PNPLA7: variants seen among roughly 807,000 people sequenced by gnomAD.
The protein encoded by PNPLA7 is patatin like domain 7, lysophospholipase.
PNPLA7 carries 153 observed loss-of-function variants against 161.7 expected under a neutral mutation model. That is an observed-to-expected ratio of 0.95 (90% CI 0.83 to 1.08). The LOEUF is 1.08. Among genes scored for constraint, PNPLA7 ranks in the 50% least tolerant of loss-of-function variants. The pLI is 0.00. For missense variants in PNPLA7, 1,739 were observed against 1,856.6 expected, an observed-to-expected ratio of 0.94 and a Z score of 1.16; for synonymous variants, 809 against 782.1, an observed-to-expected ratio of 1.03 and a Z score of -0.57.
Position 137,497,365 on chromosome 9 carries a change from C to G in PNPLA7, c.1890-55G>C. 2.1e-6 allele frequency: 3 copies of G among 1,413,846 alleles called. 1 individual carries two copies. In the South Asian group the frequency reaches 4.7e-5, roughly 22 times the overall value. The allele number at this position is 1,413,846 out of a possible 1,614,324, so 87.6% of individuals were successfully genotyped here. On this transcript the variant is annotated intron_variant, in intron 17 of 34. Coordinates refer to ENST00000406427, the MANE Select transcript of PNPLA7 (RefSeq NM_001098537.3). ...TGGGCCCCCAGCCTCAGCCTCCACA[C>G]CCAGCTTCCCAATGCCAGACAGACT...
Position 137,540,824 on chromosome 9 carries a change from C to T in PNPLA7, c.667-102G>A, listed in dbSNP as rs1564367971. On this transcript the variant is annotated intron_variant, in intron 7 of 34. Transcript: ENST00000406427. This position sits in a 1 kb window ranked among gnomAD's most constrained non-coding sequence, Gnocchi z 5.1. The stretch of plus-strand genomic sequence containing the variant: ...CCAGGGCAGTGGGGCCACGGGCCTG[C>T]ACCTCTGAGGCGCCATGAGAGCAGC... The T allele has an allele frequency of 4.9e-6, 5 of 1,019,180 alleles. No homozygotes were observed. The highest frequency in any genetic ancestry group is 7.4e-6 in the Non-Finnish European group (5 of 676,240). The allele number at this position is 1,019,180 out of a possible 1,614,324, so 63.1% of individuals were successfully genotyped here. A position where few individuals can be genotyped will look rare whatever the true frequency, so the allele number is the denominator to read the frequency against.
At position 137,546,897 on chromosome 9, in the gene PNPLA7, G is replaced by GACAA; in HGVS notation, c.205_206insTTGT (p.Pro69LeufsTer84). On this transcript the variant is annotated frameshift_variant, in exon 4 of 35. Coordinates refer to ENST00000406427, the MANE Select transcript of PNPLA7 (RefSeq NM_001098537.3). LOFTEE classifies it high-confidence loss of function. ...CTTCCGGAACCGGTACTGAGGAGTG[G>GACAA]GCTGTGCTTGTCCTGCAGGGGAGTA... The GACAA allele has an allele frequency of 1.2e-6, 2 of 1,613,882 alleles. No individual in the cohort carries two copies. Among genetic ancestry groups the GACAA allele is most frequent in the Non-Finnish European group, 1.7e-6 (2 of 1,179,986 alleles).
intron 7 of PNPLA7, 130 bp downstream of exon 7, chr9:137,542,512 T>A: frequency 9.3e-7 from 1 of 1,074,246 alleles, no homozygotes; most frequent in Middle Eastern, 3.2e-4. Flanking sequence ...AAACGGTGAG[T>A]TTTCCCCCAA....
intron 15 of PNPLA7, 88 bp downstream of exon 15, chr9:137,501,562 T>A (rs1833417530): frequency 1.6e-6 from 2 of 1,289,016 alleles, no homozygotes; most frequent in Non-Finnish European, 2.2e-6. Flanking sequence ...GTCACTGGTG[T>A]CCAGTCCAGG....
chr9:137,475,520 G>A (rs556128148), intron 25 of PNPLA7, among the ~76,000 whole-genome samples: 22 of 151,880 alleles, frequency 1.4e-4, no homozygotes, highest in African/African-American at 4.6e-4. Flanking sequence ...GACTACAGGC[G>A]CCCGCCACCA....
At chr9:137,513,959 G>A (rs1834366827) in intron 12 of PNPLA7, among the ~76,000 whole-genome samples, 1 of 152,280 alleles carries the variant, frequency 6.6e-6, no homozygotes, top group Non-Finnish European at 1.5e-5. Flanking sequence ...GCAGACGGCA[G>A]AGGGGGCAGG....
chr9:137,478,775 T>A (rs1832061419), intron 24 of PNPLA7: 1 of 380,916 alleles, frequency 2.6e-6, no homozygotes, highest in Non-Finnish European at 4.8e-6. Flanking sequence ...CAGGGTTTGC[T>A]GAGCCCCCTG....
In PNPLA7 at chr9:137,499,772, C is replaced by T. The variant is rs531024125; in HGVS notation, c.1757+919G>A. On this transcript the variant is annotated intron_variant, in intron 16 of 34. Coordinates refer to ENST00000406427, the MANE Select transcript of PNPLA7 (RefSeq NM_001098537.3). The surrounding 1 kb of genome is among the most constrained non-coding windows in gnomAD (Gnocchi z 5.5). ...GCGGTGCCATTTGCTGGATTACAGG[C>T]GTGAGCCGCTGCACCCAGCCGACCT... is the stretch of plus-strand genomic sequence containing the variant. 5.9e-5 allele frequency among the ~76,000 whole-genome samples: 9 copies of T among 152,360 alleles called. No individual in the cohort carries two copies. The highest frequency in any genetic ancestry group is 2.6e-4 in the Admixed American group (4 of 15,310).
chr9:137,488,232 T>G (rs1321189285), intron 20 of PNPLA7, among the ~76,000 whole-genome samples: 1 of 152,086 alleles, frequency 6.6e-6, no homozygotes, highest in Non-Finnish European at 1.5e-5. Context: ...TGATGTCTCG[T>G]CCCGAGCTTC....
intron 8 of PNPLA7, among the ~76,000 whole-genome samples, chr9:137,538,035 C>T (rs1564365421): frequency 6.6e-6 from 1 of 152,182 alleles, no homozygotes; most frequent in Non-Finnish European, 1.5e-5. Flanking sequence ...CCCTGAGAAG[C>T]CCACCTCAGC....
intron 8 of PNPLA7, among the ~76,000 whole-genome samples, chr9:137,525,152 G>T (rs994835637): frequency 6.6e-6 from 1 of 152,216 alleles, no homozygotes; most frequent in South Asian, 2.1e-4. Context: ...CCTGCGGGGA[G>T]GGGAGGAAGC....
chr9:137,521,629 C>T lies in PNPLA7; in HGVS notation c.957+7G>A. 3 of 1,612,124 alleles carry T rather than the reference C, an allele frequency of 1.9e-6. No individual in the cohort carries two copies. The highest frequency in any genetic ancestry group is 2.7e-5 in the African/African-American group (2 of 75,000). ...GCATGGGGCTTTGTGAGGTGGTTTT[C>T]ACTTACAGCGTTGAAGAGCTCTGTG... On this transcript the variant is annotated splice_region_variant and intron_variant, in intron 10 of 34. Transcript: ENST00000406427.
intron 1 of PNPLA7, among the ~76,000 whole-genome samples, chr9:137,549,610 C>A (rs1836739775): frequency 6.9e-6 from 1 of 144,738 alleles, no homozygotes; most frequent in Non-Finnish European, 1.5e-5. Flanking sequence ...GCCTGGCCAA[C>A]ATGGCGAAAC....
chr9:137,536,075 C>T (rs1835871221), intron 8 of PNPLA7, among the ~76,000 whole-genome samples: 1 of 151,338 alleles, frequency 6.6e-6, no homozygotes, highest in Non-Finnish European at 1.5e-5. Flanking sequence ...ATGGCGTGAA[C>T]CCAGGAGGCG....
chr9:137,532,084 T>G (rs973815747), intron 8 of PNPLA7, among the ~76,000 whole-genome samples: 1 of 152,206 alleles, frequency 6.6e-6, no homozygotes, highest in Non-Finnish European at 1.5e-5. Flanking sequence ...TTTGCGTATC[T>G]GCGGTATTTT....
Position 137,488,376 on chromosome 9 carries a change from T to C in PNPLA7, c.2198-3640A>G, listed in dbSNP as rs1038919070. ...ATTTGAGGCGGAATGGGGGAGGCCATTGCTAGTTCCATATGGCCTTAGCCT... is the reference window on the plus strand; with the variant it reads ...ATTTGAGGCGGAATGGGGGAGGCCACTGCTAGTTCCATATGGCCTTAGCCT... On this transcript the variant is annotated intron_variant, in intron 20 of 34. Transcript: ENST00000406427. Among the ~76,000 whole-genome samples the C allele has an allele frequency of 3.9e-5, 6 of 152,226 alleles. 1 individual carries two copies. Among genetic ancestry groups the C allele is most frequent in the African/African-American group, 1.4e-4 (6 of 41,458 alleles).
chr9:137,495,561 A>G (rs930119102), intron 18 of PNPLA7, among the ~76,000 whole-genome samples: 1 of 151,424 alleles, frequency 6.6e-6, no homozygotes, highest in Admixed American at 6.6e-5. Flanking sequence ...CTCCTGCCTC[A>G]GCCTCCCGAG....
chr9:137,548,565 C>T (rs879567167), intron 1 of PNPLA7, among the ~76,000 whole-genome samples: 5 of 152,120 alleles, frequency 3.3e-5, no homozygotes, highest in Middle Eastern at 3.4e-3. Context: ...CTGGCTAACA[C>T]GGTGAAACCC....
In PNPLA7 at chr9:137,517,192, G is replaced by A. The variant is rs1435663734; in HGVS notation, c.1085-1673C>T. Among the ~76,000 whole-genome samples, 9 of 125,310 alleles carry A rather than the reference G, an allele frequency of 7.2e-5. No homozygotes were observed. The East Asian group carries it at 1.3e-3, about 18-fold the overall frequency. The allele number at this position is 125,310 out of a possible 152,430, so 82.2% of individuals were successfully genotyped here. ...ATCCCCCACTCACTCACTCCACTCT[G>A]TCCACTCCATCCCCCGTCACTCACT... is the stretch of plus-strand genomic sequence containing the variant. On this transcript the variant is annotated intron_variant, in intron 11 of 34. Transcript: ENST00000406427.
Sources: allele counts gnomAD v4.1 joint callset (sites outside exome capture counted in the v4.1 genomes callset), GRCh38; gene constraint gnomAD v4.1.1; non-coding constraint Gnocchi (gnomAD v3.1); transcripts MANE v1.5; gene names NCBI Gene and HGNC (gene_info 2026-07-23, HGNC 2026-07-21).